Variants in OSBPL8 observed in about 807,000 individuals in gnomAD.
The protein encoded by OSBPL8 is oxysterol binding protein like 8.
A neutral mutation model predicts 125.5 loss-of-function variants in OSBPL8; 59 were observed. That is an observed-to-expected ratio of 0.47 (90% CI 0.38 to 0.58). The LOEUF (loss-of-function observed/expected upper bound fraction) is 0.58. Ranked by LOEUF, OSBPL8 falls within the 20% of genes least tolerant of loss-of-function variation. The probability of loss-of-function intolerance (pLI) is 0.00; values close to 1 mark genes in which losing one functional copy is unlikely to be tolerated. For synonymous variants in OSBPL8, 330 were observed against 338.9 expected, an observed-to-expected ratio of 0.97 and a Z score of 0.29; for missense variants, 758 against 1,047.8, an observed-to-expected ratio of 0.72 and a Z score of 3.82.
chr12:76,498,860 C>T (rs1245525229), intron 1 of OSBPL8, among the ~76,000 whole-genome samples: 1 of 151,372 alleles, frequency 6.6e-6, no homozygotes, highest in Non-Finnish European at 1.5e-5. Flanking sequence ...GCTGGGACTA[C>T]AGGCACACAC....
chr12:76,373,478 T>G, intron 17 of OSBPL8, 45 bp from the exon 18 acceptor site: 1 of 1,405,828 alleles, frequency 7.1e-7, no homozygotes, highest in Non-Finnish European at 9.9e-7. Flanking sequence ...TCACTTATAT[T>G]TACATATAAT....
intron 4 of OSBPL8, among the ~76,000 whole-genome samples, chr12:76,424,639 A>T (rs1276883519): frequency 6.6e-6 from 1 of 152,182 alleles, no homozygotes; most frequent in Non-Finnish European, 1.5e-5. Flanking sequence ...ATACTTAAAC[A>T]GTTTAATTTC....
chr12:76,453,933 A>T (rs1027148489), intron 3 of OSBPL8, among the ~76,000 whole-genome samples: 2 of 152,224 alleles, frequency 1.3e-5, no homozygotes, highest in African/African-American at 4.8e-5. Flanking sequence ...ATGGGCAATA[A>T]ATGTATGAAA....
At chr12:76,528,446 T>C (rs567760283) in intron 1 of OSBPL8, among the ~76,000 whole-genome samples, 1 of 152,168 alleles carries the variant, frequency 6.6e-6, no homozygotes, top group South Asian at 2.1e-4. Flanking sequence ...ATTACCAGAA[T>C]TTTTTCTATG....
intron 4 of OSBPL8, among the ~76,000 whole-genome samples, chr12:76,445,985 T>G (rs564030682): frequency 2.6e-4 from 40 of 152,296 alleles, no homozygotes; most frequent in African/African-American, 9.6e-4. Context: ...AGTCTGAGTT[T>G]AAGTTCAAAT....
chr12:76,549,447 C>T (rs1950876056), intron 1 of OSBPL8, among the ~76,000 whole-genome samples: 1 of 152,152 alleles, frequency 6.6e-6, no homozygotes, highest in South Asian at 2.1e-4. Context: ...GAGACGGAGT[C>T]TCACCCAGGC....
intron 12 of OSBPL8, among the ~76,000 whole-genome samples, chr12:76,389,310 T>C (rs756873718): frequency 6.6e-6 from 1 of 152,188 alleles, no homozygotes; most frequent in Non-Finnish European, 1.5e-5. Flanking sequence ...AGTGTTTTTG[T>C]AGAGGAGAAC....
At chr12:76,414,124 A>C (rs1868347218) in intron 4 of OSBPL8, among the ~76,000 whole-genome samples, 1 of 152,160 alleles carries the variant, frequency 6.6e-6, no homozygotes. Context: ...CTTTCTTTGC[A>C]TTTAGACACC....
intron 21 of OSBPL8, among the ~76,000 whole-genome samples, chr12:76,368,471 T>A (rs1382169817): frequency 6.6e-6 from 1 of 152,144 alleles, no homozygotes; most frequent in African/African-American, 2.4e-5. Flanking sequence ...CTTCTTTCCT[T>A]AAATATTCTT....
intron 2 of OSBPL8, among the ~76,000 whole-genome samples, chr12:76,469,681 A>G (rs1382672111): frequency 6.6e-6 from 1 of 152,072 alleles, no homozygotes; most frequent in Non-Finnish European, 1.5e-5. Context: ...ATCATCCCCT[A>G]TTTTGTTACT....
intron 21 of OSBPL8, among the ~76,000 whole-genome samples, chr12:76,359,789 C>T (rs547450189): frequency 3.9e-5 from 6 of 152,288 alleles, no homozygotes; most frequent in Admixed American, 2.0e-4. Flanking sequence ...TTCACTACCA[C>T]GAGAACAATA....
At chr12:76,411,753 A>C (rs1954522529) in intron 4 of OSBPL8, among the ~76,000 whole-genome samples, 1 of 152,182 alleles carries the variant, frequency 6.6e-6, no homozygotes, top group South Asian at 2.1e-4. Flanking sequence ...ATGGAATTTT[A>C]AATGAAACTA....
At chr12:76,425,382 C>G (rs935229614) in intron 4 of OSBPL8, among the ~76,000 whole-genome samples, 2 of 152,098 alleles carry the variant, frequency 1.3e-5, no homozygotes, top group African/African-American at 4.8e-5. Context: ...ATAATATTTC[C>G]AACAATGCAC....
intron 4 of OSBPL8, among the ~76,000 whole-genome samples, chr12:76,436,011 G>C (rs746809693): frequency 1.6e-4 from 25 of 152,092 alleles, no homozygotes; most frequent in Admixed American, 1.3e-3. Flanking sequence ...ATATTCAAAT[G>C]CTCCAAAGGT....
chr12:76,373,616 G>T, intron 17 of OSBPL8, 183 bp from the exon 18 acceptor site: 1 of 463,944 alleles, frequency 2.2e-6, no homozygotes, highest in Non-Finnish European at 3.8e-6. Context: ...CTGAATTGCT[G>T]CTATGAAAAA....
chr12:76,448,137 C>T (rs1231879639), intron 4 of OSBPL8, among the ~76,000 whole-genome samples: 2 of 151,994 alleles, frequency 1.3e-5, no homozygotes, highest in Admixed American at 6.6e-5. Context: ...TTTTGGGGTA[C>T]GTCATGAAGT....
At chr12:76,393,800 A>G (rs1342284997) in intron 9 of OSBPL8, among the ~76,000 whole-genome samples, 1 of 151,340 alleles carries the variant, frequency 6.6e-6, no homozygotes, top group Admixed American at 6.6e-5. Flanking sequence ...GAGGCAAGCG[A>G]ATCATGAGGG....
Position 76,487,491 on chromosome 12 carries a change from T to C in OSBPL8, c.42+19A>G, listed in dbSNP as rs748342494. The C allele has an allele frequency of 1.3e-6, 2 of 1,584,086 alleles. No homozygotes were observed. The highest frequency in any genetic ancestry group is 8.6e-7 in the Non-Finnish European group (1 of 1,167,784). ...ACAGTTACAGATGATAGAACCTATG[T>C]CATATATGAACTACTCACCGAAGTT... On this transcript the variant is annotated intron_variant, in intron 2 of 23. Coordinates refer to ENST00000261183, the MANE Select transcript of OSBPL8 (RefSeq NM_020841.5).
intron 4 of OSBPL8, among the ~76,000 whole-genome samples, chr12:76,420,103 T>G (rs777955211): frequency 9.9e-5 from 15 of 152,218 alleles, no homozygotes; most frequent in Non-Finnish European, 2.1e-4. Flanking sequence ...TACTGTGATA[T>G]AATAAAGCAA....
Sources: gnomAD v4.1 joint callset for allele counts (sites outside exome capture counted in the v4.1 genomes callset) on GRCh38, gnomAD v4.1.1 for gene constraint, MANE v1.5 for transcripts, NCBI Gene and HGNC (gene_info 2026-07-23, HGNC 2026-07-21) for gene names.